The following CARD8 variants were observed in gnomAD, a reference collection of about 807,000 sequenced individuals.
The protein encoded by CARD8 is caspase recruitment domain family member 8, also known as caspase recruitment domain-containing protein 8.
In CARD8, 38 loss-of-function variants were observed where a neutral mutation model predicts 53.2. The observed-to-expected ratio is 0.71, with a 90% CI of 0.55 to 0.94. The LOEUF is 0.94. Among genes scored for constraint, CARD8 ranks in the 40% least tolerant of loss-of-function variants. The pLI, the probability that CARD8 is intolerant of heterozygous loss-of-function variation, is 0.00. For missense variants in CARD8, 561 were observed against 655.5 expected, an observed-to-expected ratio of 0.86 and a Z score of 1.57; for synonymous variants, 245 against 244.9, an observed-to-expected ratio of 1.00 and a Z score of 0.00.
At chr19:48,236,771 G>T (rs1009329911) in intron 5 of CARD8, among the ~76,000 whole-genome samples, 7 of 151,754 alleles carry the variant, frequency 4.6e-5, no homozygotes, top group Admixed American at 3.9e-4. Flanking sequence ...GGTCATTCTG[G>T]TTTTTTTGTT....
chr19:48,217,930 C>T (rs1460985137), intron 12 of CARD8, among the ~76,000 whole-genome samples: 1 of 152,106 alleles, frequency 6.6e-6, no homozygotes, highest in Non-Finnish European at 1.5e-5. Flanking sequence ...AATATGACAC[C>T]CCGAAAATGA....
At position 48,219,014 on chromosome 19, in the gene CARD8, T is replaced by C. The variant is rs2039952843; in HGVS notation, c.1162-2A>G. The C allele has an allele frequency of 1.2e-6, 2 of 1,613,980 alleles. No individual in the cohort carries two copies. The highest frequency in any genetic ancestry group is 1.1e-5 in the South Asian group (1 of 91,072). The stretch of plus-strand genomic sequence containing the variant: ...GCTCCTGTAGGACAATTTCAACTCC[T>C]AGAGGAAACACATCAGTTGACTTGA... On this transcript the variant is annotated splice_acceptor_variant, in intron 11 of 13. Transcript: ENST00000651546. LOFTEE classifies it high-confidence loss of function.
chr19:48,203,349 T>C (rs1376547511), downstream of CARD8: 1 of 152,192 alleles, frequency 6.6e-6, no homozygotes, highest in East Asian at 1.9e-4. Context: ...CACACAGCTA[T>C]TTACCACTTT....
intron 11 of CARD8, among the ~76,000 whole-genome samples, chr19:48,220,884 T>G (rs900672217): frequency 1.4e-5 from 2 of 147,224 alleles, no homozygotes; most frequent in Admixed American, 1.4e-4. Flanking sequence ...GCACTCCAGC[T>G]TGGGCAACAG....
At position 48,242,101 on chromosome 19, in the gene CARD8, A is replaced by G. The variant is rs543985871; in HGVS notation, c.-43-1038T>C. On this transcript the variant is annotated intron_variant, in intron 3 of 13. Transcript: ENST00000651546. ...ATAGGAGTTGTTATGGACCGAATGT[A>G]TGTGTCCACCCTCAAGTTCATGTGT... is the stretch of plus-strand genomic sequence containing the variant. 3.3e-5 allele frequency among the ~76,000 whole-genome samples: 5 copies of G among 152,274 alleles called. No individual in the cohort carries two copies. The South Asian group carries it at 1.0e-3, about 32-fold the overall frequency.
chr19:48,238,614 G>A (rs991417374), intron 4 of CARD8, 82 bp from the exon 5 acceptor site: 26 of 1,325,518 alleles, frequency 2.0e-5, no homozygotes, highest in African/African-American at 5.9e-5. Context: ...GTGATGTAGC[G>A]AAAGTAGCCC....
intron 11 of CARD8, 66 bp from the exon 12 acceptor site, chr19:48,219,078 A>G (rs931990820): frequency 6.0e-6 from 9 of 1,488,912 alleles, no homozygotes; most frequent in Admixed American, 1.7e-5. Flanking sequence ...CCTACAGTGA[A>G]CTGGCCAATG....
At chr19:48,241,844 T>C (rs8106618) in intron 3 of CARD8, among the ~76,000 whole-genome samples, 33,259 of 151,766 alleles carry the variant, frequency 0.22, 4,026 homozygotes, top group African/African-American at 0.33. Context: ...TATGGATATA[T>C]AGTTCACAAA....
intron 1 of CARD8, among the ~76,000 whole-genome samples, chr19:48,254,965 T>A (rs2047412003): frequency 2.0e-5 from 3 of 152,220 alleles, no homozygotes; most frequent in Admixed American, 1.3e-4. Flanking sequence ...AAAATTCTGT[T>A]AAAACAATAT....
In CARD8 at chr19:48,240,945, A is replaced by T. The variant is rs964536269; in HGVS notation, c.59+17T>A. 3 of 1,532,832 alleles carry T rather than the reference A, an allele frequency of 2.0e-6. No individual in the cohort carries two copies. The African/African-American group carries it at 4.1e-5, about 21-fold the overall frequency. The allele number at this position is 1,532,832 out of a possible 1,614,324, so 95.0% of individuals were successfully genotyped here. On this transcript the variant is annotated intron_variant, in intron 4 of 13. Coordinates refer to ENST00000651546, the MANE Select transcript of CARD8 (RefSeq NM_001184900.3). ...AATCAGCCATCAGGAGCCCTCACAG[A>T]GCGCAAAGTCACTCACCGTCTCGGC...
In CARD8 at chr19:48,230,794, TG is replaced by T; in HGVS notation, c.754del (p.His252ThrfsTer47). ...EEAVAEIHLP[H>X]FISLQAGEVD... ...CACATTACCTTGGAGGGAGATGAAG[TG>T]GGGGAGGTGGATTTCGGCGACAGCC... On this transcript the variant is annotated frameshift_variant, in exon 9 of 14. Coordinates refer to ENST00000651546, the MANE Select transcript of CARD8 (RefSeq NM_001184900.3). LOFTEE classifies it high-confidence loss of function. 1 of 1,613,766 alleles carries T rather than the reference TG, an allele frequency of 6.2e-7. No homozygotes were observed. Among genetic ancestry groups the T allele is most frequent in the Non-Finnish European group, 8.5e-7 (1 of 1,179,842 alleles).
In CARD8 at chr19:48,234,538, T is replaced by C. The variant is rs1310564759; in HGVS notation, c.215A>G (p.Tyr72Cys). The change falls in exon 6 of 14, where the codon TAC becomes TGC. Residue 72 changes from tyrosine to cysteine, a missense_variant. Transcript: ENST00000651546. Reference sequence around the variant, plus strand: ...CTCAGAAACACAGGGTAGCTCCCTGTATACCCTGGAAAACAACAACAGAAT... The same window carrying C: ...CTCAGAAACACAGGGTAGCTCCCTGCATACCCTGGAAAACAACAACAGAAT... ...AEACVTNDTVYRELPCVSETL... is the reference protein window; with the variant it reads ...AEACVTNDTVCRELPCVSETL... 2.5e-6 allele frequency: 4 copies of C among 1,612,156 alleles called. No homozygotes were observed. The East Asian group carries it at 8.9e-5, about 36-fold the overall frequency.
At chr19:48,230,407 C>A (rs2042623113) in intron 10 of CARD8, 31 bp downstream of exon 10, 2 of 1,563,742 alleles carry the variant, frequency 1.3e-6, no homozygotes, top group Non-Finnish European at 1.7e-6. Flanking sequence ...TAATCGTCAT[C>A]TTCTCTGGTC....
chr19:48,228,764 G>C (rs932697911), intron 10 of CARD8, among the ~76,000 whole-genome samples: 2 of 152,192 alleles, frequency 1.3e-5, no homozygotes, highest in Admixed American at 6.5e-5. Context: ...GGAGGGGAAA[G>C]AGGATGCCTC....
At chr19:48,217,035 T>C (rs1326386874) in intron 12 of CARD8, among the ~76,000 whole-genome samples, 4 of 152,026 alleles carry the variant, frequency 2.6e-5, no homozygotes, top group Non-Finnish European at 2.9e-5. Flanking sequence ...CTAAGGAGCA[T>C]GCACCCTAGA....
intron 10 of CARD8, among the ~76,000 whole-genome samples, chr19:48,223,554 A>C (rs2041124878): frequency 6.6e-6 from 1 of 152,212 alleles, no homozygotes; most frequent in Admixed American, 6.5e-5. Flanking sequence ...GGGGGAAAGA[A>C]ATAACATATC....
At position 48,246,052 on chromosome 19, in the gene CARD8, C is replaced by T. The variant is rs1030389848; in HGVS notation, c.-44+3471G>A. ...TCCTCTTTGTTCTCCAAGATCTAAT[C>T]GAGGATCTCACATTGCACTTACTTG... On this transcript the variant is annotated intron_variant, in intron 3 of 13. Coordinates refer to ENST00000651546, the MANE Select transcript of CARD8 (RefSeq NM_001184900.3). Among the ~76,000 whole-genome samples the T allele has an allele frequency of 3.3e-5, 5 of 152,216 alleles. 1 individual carries two copies. Among genetic ancestry groups the T allele is most frequent in the Admixed American group, 2.0e-4 (3 of 15,286 alleles).
Position 48,231,801 on chromosome 19 carries a change from C to A in CARD8, c.401G>T (p.Cys134Phe). The A allele has an allele frequency of 1.9e-6, 3 of 1,613,764 alleles. No individual in the cohort carries two copies. Among genetic ancestry groups the A allele is most frequent in the Non-Finnish European group, 2.5e-6 (3 of 1,179,870 alleles). The change falls in exon 8 of 14, where the codon TGC becomes TTC. Residue 134 changes from cysteine to phenylalanine, a missense_variant. Cys to Phe is a radical substitution (Grantham distance 205). Transcript: ENST00000651546. ...GGAAACTATTTGATTCTCTTCTGAG[C>A]AAATGTCTCCTGAAAAGAAAATACT... ...SSEGQDSGDI[C>F]SEENQIVSSY... is the part of the protein sequence containing the mutation.
At chr19:48,224,684 G>A (rs2041369555) in intron 10 of CARD8, among the ~76,000 whole-genome samples, 1 of 151,648 alleles carries the variant, frequency 6.6e-6, no homozygotes, top group Non-Finnish European at 1.5e-5. Flanking sequence ...TAGGGAAGAA[G>A]CAGACAGACC....
Sources: gnomAD v4.1 joint callset for allele counts (sites outside exome capture counted in the v4.1 genomes callset) on GRCh38, gnomAD v4.1.1 for gene constraint, MANE v1.5 for transcripts, NCBI Gene and HGNC (gene_info 2026-07-23, HGNC 2026-07-21) for gene names.